GRM5: variants seen among roughly 807,000 people sequenced by gnomAD.
GRM5 encodes glutamate metabotropic receptor 5.
Under a neutral mutation model 83.1 loss-of-function variants are expected in GRM5, and 19 were observed. The observed-to-expected ratio is 0.23, with a 90% CI of 0.16 to 0.34. The LOEUF (loss-of-function observed/expected upper bound fraction) is 0.34, where lower values mean the gene tolerates loss of function less well. Among genes scored for constraint, GRM5 ranks in the 10% least tolerant of loss-of-function variants. The pLI, the probability that GRM5 is intolerant of heterozygous loss-of-function variation, is 1.00. For missense variants in GRM5, 1,160 were observed against 1,588.3 expected (o/e 0.73, Z 4.58); for synonymous variants, 675 against 633.6 (o/e 1.07, Z -0.98).
intron 1 of GRM5, among the ~76,000 whole-genome samples, chr11:89,059,059 G>A (rs1253961626): frequency 2.0e-5 from 3 of 151,948 alleles, no homozygotes; most frequent in East Asian, 1.9e-4. Context: ...ATGTAAGAAG[G>A]TTGCATTATT....
chr11:88,612,696 A>G (rs1301250511), intron 4 of GRM5: 1 of 151,872 alleles, frequency 6.6e-6, no homozygotes, highest in Admixed American at 6.6e-5. Context: ...TGTGGTTTTG[A>G]TTTGCATTTC....
intron 3 of GRM5, among the ~76,000 whole-genome samples, chr11:88,659,866 A>G (rs1490142904): frequency 3.4e-5 from 5 of 147,128 alleles, no homozygotes; most frequent in Non-Finnish European, 6.0e-5. Flanking sequence ...ATCTAAATCC[A>G]TAAAATGCAG....
At chr11:88,862,106 G>A (rs1347412780) in intron 2 of GRM5, among the ~76,000 whole-genome samples, 3 of 152,048 alleles carry the variant, frequency 2.0e-5, no homozygotes, top group African/African-American at 7.2e-5. Flanking sequence ...CACTAAACTG[G>A]GCTAAGATAA....
At chr11:88,865,852 A>G (rs1233134126) in intron 2 of GRM5, among the ~76,000 whole-genome samples, 1 of 152,154 alleles carries the variant, frequency 6.6e-6, no homozygotes, top group Non-Finnish European at 1.5e-5. Context: ...CAAAACCACA[A>G]TGAGATGCCA....
At chr11:88,810,883 C>T (rs942471345) in intron 3 of GRM5, among the ~76,000 whole-genome samples, 1 of 152,092 alleles carries the variant, frequency 6.6e-6, no homozygotes, top group African/African-American at 2.4e-5. Context: ...GTTCAAAAAA[C>T]TATGTCACAA....
chr11:88,721,963 G>A (rs957970035), intron 3 of GRM5, among the ~76,000 whole-genome samples: 2 of 152,132 alleles, frequency 1.3e-5, no homozygotes, highest in African/African-American at 4.8e-5. Context: ...GGGATGTAAG[G>A]TGTGACTAAA....
At chr11:89,062,860 C>T (rs1191253437) in intron 1 of GRM5, among the ~76,000 whole-genome samples, 1 of 152,368 alleles carries the variant, frequency 6.6e-6, no homozygotes, top group East Asian at 1.9e-4. Flanking sequence ...TCGCTGTAGC[C>T]TGGGCTTCCT....
At chr11:88,841,868 C>A (rs1049303494) in intron 3 of GRM5, among the ~76,000 whole-genome samples, 66 of 152,218 alleles carry the variant, frequency 4.3e-4, no homozygotes, top group African/African-American at 1.5e-3. Context: ...CACTGTAATG[C>A]ATGATTTAGT....
At chr11:89,039,697 G>T (rs951653565) in intron 2 of GRM5, among the ~76,000 whole-genome samples, 2 of 152,132 alleles carry the variant, frequency 1.3e-5, no homozygotes, top group African/African-American at 4.8e-5. Flanking sequence ...GATACCTAAA[G>T]GTAGCAGTCA....
rs367722216 is a variant in GRM5 at position 89,048,396 on chromosome 11, C to T, written c.-200-324G>A. On this transcript the variant is annotated intron_variant, in intron 1 of 9. Coordinates refer to ENST00000305447, the MANE Select transcript of GRM5 (RefSeq NM_001143831.3). Reference sequence around the variant, plus strand: ...ACAGAGCATCCTAGAAGCAAAACTACGCCATGAACAGAAAACTTCAAGAAG... The same window carrying T: ...ACAGAGCATCCTAGAAGCAAAACTATGCCATGAACAGAAAACTTCAAGAAG... Among the ~76,000 whole-genome samples the T allele has an allele frequency of 2.5e-4, 38 of 152,226 alleles. No individual in the cohort carries two copies. The East Asian group carries it at 5.2e-3, about 21-fold the overall frequency.
At chr11:88,786,525 C>A (rs181870267) in intron 3 of GRM5, among the ~76,000 whole-genome samples, 13 of 152,252 alleles carry the variant, frequency 8.5e-5, no homozygotes, top group African/African-American at 2.9e-4. Flanking sequence ...GCCAACTAGA[C>A]TCTTTGCTAC....
chr11:88,839,740 A>T (rs1565256047), intron 3 of GRM5, among the ~76,000 whole-genome samples: 1 of 152,218 alleles, frequency 6.6e-6, no homozygotes, highest in African/African-American at 2.4e-5. Flanking sequence ...TACACAGTCA[A>T]ATATCTATAT....
At chr11:88,984,900 A>T in intron 2 of GRM5, 1 of 652,470 alleles carries the variant, frequency 1.5e-6, no homozygotes, top group East Asian at 2.7e-5. Context: ...AATAAATTTT[A>T]TGTTGTTATC....
intron 3 of GRM5, among the ~76,000 whole-genome samples, chr11:88,674,554 C>T (rs1411385927): frequency 1.3e-5 from 2 of 151,814 alleles, no homozygotes. Flanking sequence ...AAATTATTGC[C>T]CTTTCTGCCA....
chr11:88,550,116 T>C (rs1028876381), intron 8 of GRM5, among the ~76,000 whole-genome samples: 25 of 152,006 alleles, frequency 1.6e-4, no homozygotes, highest in African/African-American at 5.8e-4. Context: ...AGAGAAGAAA[T>C]AGAAGAAGAA....
chr11:89,045,526 G>A (rs1941623638), intron 2 of GRM5, among the ~76,000 whole-genome samples: 1 of 152,126 alleles, frequency 6.6e-6, no homozygotes. Flanking sequence ...CTAGTAGAAT[G>A]TCTCACTTAT....
intron 2 of GRM5, among the ~76,000 whole-genome samples, chr11:88,875,197 C>T (rs1944831496): frequency 6.6e-6 from 1 of 151,754 alleles, no homozygotes; most frequent in Non-Finnish European, 1.5e-5. Flanking sequence ...CCTGCTGCTG[C>T]TTTATTAACT....
At chr11:88,845,423 CTTT>C (rs71046265) in intron 3 of GRM5, among the ~76,000 whole-genome samples, 4 of 92,442 alleles carry the variant, frequency 4.3e-5, no homozygotes, top group Non-Finnish European at 6.0e-5. Flanking sequence ...ATAAACATAA[CTTT>C]TTTTTTTTTT....
At chr11:88,810,212 T>C (rs187811167) in intron 3 of GRM5, among the ~76,000 whole-genome samples, 15 of 152,184 alleles carry the variant, frequency 9.9e-5, no homozygotes, top group African/African-American at 2.9e-4. Context: ...GGAAGGGTGC[T>C]ATGTATGGCA....
Sources: allele counts gnomAD v4.1 joint callset (sites outside exome capture counted in the v4.1 genomes callset), GRCh38; gene constraint gnomAD v4.1.1; transcripts MANE v1.5; gene names NCBI Gene and HGNC (gene_info 2026-07-23, HGNC 2026-07-21).